HERC3: variants seen among roughly 807,000 people sequenced by gnomAD.
HERC3 encodes the protein HECT and RLD domain containing E3 ubiquitin protein ligase 3.
Under a neutral mutation model 129.9 loss-of-function variants are expected in HERC3, and 58 were observed. That is an observed-to-expected ratio of 0.45 (90% CI 0.36 to 0.56). The LOEUF (loss-of-function observed/expected upper bound fraction) is 0.56. HERC3 is among the 20% of genes least tolerant of loss of function. The pLI is 0.00. For synonymous variants in HERC3, 430 were observed against 451.0 expected (o/e 0.95, Z 0.59); for missense variants, 835 against 1,244.2 (o/e 0.67, Z 4.95).
chr4:88,616,523 A>G (rs916657712), intron 3 of HERC3, among the ~76,000 whole-genome samples: 2 of 152,232 alleles, frequency 1.3e-5, no homozygotes, highest in Non-Finnish European at 2.9e-5. Flanking sequence ...TTGGGCAGTT[A>G]CTGTAGACTT....
At chr4:88,655,086 C>A in intron 7 of HERC3, 88 bp from the exon 8 acceptor site, 1 of 1,378,066 alleles carries the variant, frequency 7.3e-7, no homozygotes, top group Non-Finnish European at 1.0e-6. Context: ...CTCTTGTGCA[C>A]ATTGTTGTGA....
In HERC3 at chr4:88,652,975, C is replaced by T. The variant is rs769436285; in HGVS notation, c.570C>T (p.Ile190=). ...AGAGGGTGAGGTCCCTGGAGGGGAT[C>T]CCACTGGCTCAGGTGGCTGCCGGAG... ...SPQRVRSLEG[I]PLAQVAAGGA... is the part of the protein sequence containing the mutation. Residue 190 remains isoleucine (I), a synonymous_variant, in exon 6 of 26, where the codon ATC becomes ATT. Coordinates refer to ENST00000402738, the MANE Select transcript of HERC3 (RefSeq NM_014606.3). 1 of 1,614,212 alleles carries T rather than the reference C, an allele frequency of 6.2e-7. No individual in the cohort carries two copies. Among genetic ancestry groups the T allele is most frequent in the Non-Finnish European group, 8.5e-7 (1 of 1,180,038 alleles).
chr4:88,567,270 T>C, the HERC3 span, among the ~76,000 whole-genome samples: 98 of 152,164 alleles, frequency 6.4e-4, no homozygotes, highest in Non-Finnish European at 1.1e-3. Flanking sequence ...CTTGAGGTAG[T>C]CTTATTTAGG....
At chr4:88,557,225 G>C in the HERC3 span, among the ~76,000 whole-genome samples, 1 of 152,090 alleles carries the variant, frequency 6.6e-6, no homozygotes, top group East Asian at 1.9e-4. Context: ...TTGATTTGTA[G>C]TTGGTTTAAC....
At chr4:88,619,259 A>G (rs986778235) in intron 3 of HERC3, among the ~76,000 whole-genome samples, 3 of 152,348 alleles carry the variant, frequency 2.0e-5, no homozygotes, top group South Asian at 4.1e-4. Context: ...TTGCATATTT[A>G]TATAAAGTAC....
rs1039110751 is a variant in HERC3, at chr4:88,592,540, T to C, written c.-122T>C. 1.3e-5 allele frequency: 2 copies of C among 152,272 alleles called. No homozygotes were observed. The highest frequency in any genetic ancestry group is 2.9e-5 in the Non-Finnish European group (2 of 68,118). The allele number at this position is 152,272 out of a possible 1,614,324, so 9.4% of individuals were successfully genotyped here. ...GGTCCGGCGAGAGGGGCTGTGACAG[T>C]CGGAGTCCCAAGCTGCGGTTCGGCT... On this transcript the variant is annotated 5_prime_UTR_variant, in exon 1 of 26. Coordinates refer to ENST00000402738, the MANE Select transcript of HERC3 (RefSeq NM_014606.3).
chr4:88,554,911 A>T, the HERC3 span, among the ~76,000 whole-genome samples: 1 of 152,358 alleles, frequency 6.6e-6, no homozygotes, highest in Admixed American at 6.5e-5. Context: ...ACTCATGCTA[A>T]TGTTTACGGA....
At chr4:88,689,965 C>T in intron 23 of HERC3, 1 of 983,000 alleles carries the variant, frequency 1.0e-6, no homozygotes, top group Non-Finnish European at 1.2e-6. Context: ...TGTTAACCTT[C>T]CAGACTATCC....
At chr4:88,557,968 G>GT in the HERC3 span, among the ~76,000 whole-genome samples, 6 of 151,250 alleles carry the variant, frequency 4.0e-5, no homozygotes, top group African/African-American at 1.5e-4. Flanking sequence ...CTACTCAGGA[G>GT]GCCGAGGCAG....
chr4:88,681,412 A>C, intron 21 of HERC3, 87 bp downstream of exon 21: 1 of 1,177,222 alleles, frequency 8.5e-7, no homozygotes, highest in African/African-American at 1.5e-5. Flanking sequence ...CATCTGTACA[A>C]ATCTGAGTTT....
At chr4:88,591,118 G>A (rs1163141515), upstream of HERC3, among the ~76,000 whole-genome samples, 1 of 151,912 alleles carries the variant, frequency 6.6e-6, no homozygotes, top group Non-Finnish European at 1.5e-5. Flanking sequence ...GTCTCGAACT[G>A]CTGACCTCAA....
intron 12 of HERC3, 43 bp downstream of exon 12, chr4:88,664,255 A>C (rs1207975001): frequency 6.8e-7 from 1 of 1,480,016 alleles, no homozygotes; most frequent in Non-Finnish European, 9.4e-7. Flanking sequence ...GTGTACCTGT[A>C]GTCTCAAGCT....
chr4:88,644,660 T>C (rs370364832), intron 3 of HERC3, among the ~76,000 whole-genome samples: 39 of 152,302 alleles, frequency 2.6e-4, no homozygotes, highest in Middle Eastern at 6.8e-3. Context: ...GTGATGGGAC[T>C]GTTCTGTATC....
chr4:88,647,951 C>T (rs1199805806), intron 3 of HERC3, among the ~76,000 whole-genome samples: 6 of 151,932 alleles, frequency 3.9e-5, no homozygotes, highest in African/African-American at 9.7e-5. Context: ...TCTACCTACC[C>T]TCTCCTCTTC....
At chr4:88,688,174 G>C (rs1401536695) in intron 23 of HERC3, among the ~76,000 whole-genome samples, 1 of 152,198 alleles carries the variant, frequency 6.6e-6, no homozygotes, top group Non-Finnish European at 1.5e-5. Flanking sequence ...AAGAATGCAA[G>C]TTGGAGGAAA....
intron 18 of HERC3, among the ~76,000 whole-genome samples, chr4:88,677,279 A>G (rs1209624492): frequency 6.6e-6 from 1 of 152,214 alleles, no homozygotes; most frequent in Non-Finnish European, 1.5e-5. Flanking sequence ...TTGTTGAATA[A>G]AAACTTGTTA....
the HERC3 span, among the ~76,000 whole-genome samples, chr4:88,579,234 T>A: frequency 0.066 from 6,312 of 95,824 alleles, 161 homozygotes; most frequent in South Asian, 0.16. Flanking sequence ...AAAAAAAAAA[T>A]ATATATATAT....
chr4:88,641,151 ATAAC>A (rs1560708276), intron 3 of HERC3, among the ~76,000 whole-genome samples: 1 of 152,232 alleles, frequency 6.6e-6, no homozygotes, highest in African/African-American at 2.4e-5. Flanking sequence ...TAGGAGAAAA[ATAAC>A]AAGAAAGTCT....
chr4:88,531,548 A>G, the HERC3 span, among the ~76,000 whole-genome samples: 1 of 152,198 alleles, frequency 6.6e-6, no homozygotes, highest in Non-Finnish European at 1.5e-5. Flanking sequence ...GTTCTTTCCA[A>G]CTCTGCTTGA....
Sources: gnomAD v4.1 joint callset for allele counts (sites outside exome capture counted in the v4.1 genomes callset) on GRCh38, gnomAD v4.1.1 for gene constraint, MANE v1.5 for transcripts, NCBI Gene and HGNC (gene_info 2026-07-23, HGNC 2026-07-21) for gene names.